CRNKL1: variants seen among roughly 807,000 people sequenced by gnomAD.
The protein encoded by CRNKL1 is crooked neck pre-mRNA splicing factor 1, also known as crooked neck-like protein 1.
A neutral mutation model predicts 103.7 loss-of-function variants in CRNKL1; 35 were observed. That is an observed-to-expected ratio of 0.34 (90% CI 0.26 to 0.45). The LOEUF is 0.45. CRNKL1 is among the 20% of genes least tolerant of loss of function. CRNKL1 has a pLI of 1.00. For missense variants in CRNKL1, 645 were observed against 836.0 expected (o/e 0.77, Z 2.82); for synonymous variants, 267 against 282.6 (o/e 0.94, Z 0.55).
At chr20:20,048,689 C>A (rs976502837) in intron 3 of CRNKL1, among the ~76,000 whole-genome samples, 188 bp from the exon 4 acceptor site, 9 of 152,096 alleles carry the variant, frequency 5.9e-5, no homozygotes, top group Non-Finnish European at 1.2e-4. Context: ...GACATGCATG[C>A]AATTATAATG....
rs548733406 is a variant in CRNKL1 at position 20,035,411 on chromosome 20, A to G, written c.*784T>C. 9.8e-5 allele frequency: 15 copies of G among 152,352 alleles called. No individual in the cohort carries two copies. The highest frequency in any genetic ancestry group is 8.5e-4 in the Admixed American group (13 of 15,304). The allele number at this position is 152,352 out of a possible 1,614,324, so 9.4% of individuals were successfully genotyped here. A position where few individuals can be genotyped will look rare whatever the true frequency, so the allele number is the denominator to read the frequency against. ...TTCATAGCACACACGTGAACAAGCC[A>G]TTATTCTTTAAACAAGGTATTACAA... On this transcript the variant is annotated 3_prime_UTR_variant, in exon 14 of 14. Coordinates refer to ENST00000536226, the MANE Select transcript of CRNKL1 (RefSeq NM_001278628.2).
Position 20,043,569 on chromosome 20 carries a change from TCTCA to T in CRNKL1, c.891_894del (p.Phe297LeufsTer15). 6.2e-7 allele frequency: 1 copy of T among 1,614,092 alleles called. No individual in the cohort carries two copies. The highest frequency in any genetic ancestry group is 8.5e-7 in the Non-Finnish European group (1 of 1,179,992). ...ATACCCCGCCTATCACCAAACTTCT[TCTCA>T]AAGATGGTATAATTTTTAAAGAGTT... On this transcript the variant is annotated frameshift_variant, in exon 7 of 14. Coordinates refer to ENST00000536226, the MANE Select transcript of CRNKL1 (RefSeq NM_001278628.2). LOFTEE classifies it high-confidence loss of function.
At chr20:20,053,016 GTAAC>G (rs951544502), upstream of CRNKL1, among the ~76,000 whole-genome samples, 1 of 152,128 alleles carries the variant, frequency 6.6e-6, no homozygotes. Context: ...TATAAATAGA[GTAAC>G]TGGAAAACAA....
intron 11 of CRNKL1, 46 bp from the exon 12 acceptor site, chr20:20,038,496 G>A (rs1329896965): frequency 9.0e-7 from 1 of 1,112,880 alleles, no homozygotes; most frequent in South Asian, 1.3e-5. Flanking sequence ...TTACAAAGCA[G>A]CATGCCCCCA....
At chr20:20,036,469 A>G (rs1166661049) in intron 13 of CRNKL1, 107 bp from the exon 14 acceptor site, 7 of 1,043,452 alleles carry the variant, frequency 6.7e-6, no homozygotes, top group African/African-American at 1.6e-5. Flanking sequence ...ATTTTACAAA[A>G]TAACATCAAA....
chr20:20,038,278 C>G (rs1600242826), intron 12 of CRNKL1, 71 bp downstream of exon 12: 1 of 729,186 alleles, frequency 1.4e-6, no homozygotes, highest in East Asian at 3.2e-5. Context: ...ACTTAAAATA[C>G]AGAAATATAT....
chr20:20,051,253 A>G (rs191731411), intron 1 of CRNKL1, among the ~76,000 whole-genome samples: 4 of 152,258 alleles, frequency 2.6e-5, no homozygotes, highest in Admixed American at 6.5e-5. Flanking sequence ...ATAAAAAAGA[A>G]TAAACTACCT....
intron 5 of CRNKL1, 109 bp from the exon 6 acceptor site, chr20:20,045,595 T>C: frequency 1.0e-6 from 1 of 985,626 alleles, no homozygotes; most frequent in South Asian, 1.7e-5. Flanking sequence ...AAATTCAAAC[T>C]ACAACTCTAG....
chr20:20,055,192 T>G (rs2044212479), upstream of CRNKL1, among the ~76,000 whole-genome samples: 1 of 152,240 alleles, frequency 6.6e-6, no homozygotes, highest in Non-Finnish European at 1.5e-5. Context: ...CTTTTGTTTC[T>G]CTTTCTATAT....
In CRNKL1 at chr20:20,047,786, C is replaced by T. The variant is rs756428047; in HGVS notation, c.601G>A (p.Ala201Thr). Residue 201 changes from alanine (A) to threonine (T), a missense_variant, in exon 5 of 14, where the codon GCC (alanine) becomes ACC (threonine). Coordinates refer to ENST00000536226, the MANE Select transcript of CRNKL1 (RefSeq NM_001278628.2). ...FELRYKEVDR[A>T]RTIYERFVLV... ...ATATATCGCTCATAAATGGTGCGGGCCCGATCCACCTCTTTGTATCTCAGC... is the reference window on the plus strand; with the variant it reads ...ATATATCGCTCATAAATGGTGCGGGTCCGATCCACCTCTTTGTATCTCAGC... 5 of 1,614,212 alleles carry T rather than the reference C, an allele frequency of 3.1e-6. No individual in the cohort carries two copies. The East Asian group carries it at 1.1e-4, about 36-fold the overall frequency.
At chr20:20,052,598 A>T (rs2273057), upstream of CRNKL1, 781,003 of 1,613,452 alleles carry the variant, frequency 0.48, 190,787 homozygotes, top group East Asian at 0.67. Context: ...TGAGGTGGGT[A>T]ACGCCGTGCT....
rs146894938 is a variant in CRNKL1, at chr20:20,037,327, T to C, written c.1892A>G (p.Asp631Gly). ...VKKRRKVQTD[D>G]GSDAGWEEYF... Reference sequence around the variant, plus strand: ...GTCCCAGGGCAGAGTTCTTACCCCATCATCAGTCTGGACCTTTCTTCTCTT... The same window carrying C: ...GTCCCAGGGCAGAGTTCTTACCCCACCATCAGTCTGGACCTTTCTTCTCTT... Residue 631 changes from aspartate to glycine, a missense_variant, in exon 13 of 14, where the codon GAT becomes GGT. Around this residue, in one of 2 missense-constraint regions of CRNKL1, gnomAD observed 582 missense variants for 707.7 expected, o/e 0.82. Coordinates refer to ENST00000536226, the MANE Select transcript of CRNKL1 (RefSeq NM_001278628.2). The C allele has an allele frequency of 3.1e-6, 5 of 1,613,658 alleles. No homozygotes were observed. In the African/African-American group the frequency reaches 4.0e-5, roughly 13 times the overall value.
rs761661820 is a variant in CRNKL1 at position 20,052,459 on chromosome 20, G to A, written c.-117C>T. 3 of 1,614,262 alleles carry A rather than the reference G, an allele frequency of 1.9e-6. No homozygotes were observed. Among genetic ancestry groups the A allele is most frequent in the Admixed American group, 3.3e-5 (2 of 60,030 alleles). ...AACAAACAGGATCTCGGAACCGGAA[G>A]CGGAACTTGCAGGACTGACCTTTGA... On this transcript the variant is annotated 5_prime_UTR_variant, in exon 1 of 14. Transcript: ENST00000536226.
At chr20:20,052,533 G>C (rs750771442), upstream of CRNKL1, 7 of 1,614,140 alleles carry the variant, frequency 4.3e-6, no homozygotes, top group African/African-American at 5.3e-5. Context: ...ATGGTGACCA[G>C]GCTGCGCGTC....
chr20:20,036,563 G>A (rs1014866722), intron 13 of CRNKL1, among the ~76,000 whole-genome samples: 6 of 152,202 alleles, frequency 3.9e-5, no homozygotes, highest in Non-Finnish European at 8.8e-5. Flanking sequence ...AACTAAACTG[G>A]TAGAAAAACA....
chr20:20,048,241 T>G (rs369029102), intron 4 of CRNKL1, 102 bp downstream of exon 4: 3 of 1,303,666 alleles, frequency 2.3e-6, no homozygotes, highest in African/African-American at 3.0e-5. Context: ...GAAGAAAAAG[T>G]AGGATATCAA....
At chr20:20,054,016 T>TTGTTTTTG (rs1384471588), upstream of CRNKL1, among the ~76,000 whole-genome samples, 107 of 144,526 alleles carry the variant, frequency 7.4e-4, no homozygotes, top group East Asian at 5.7e-3. Flanking sequence ...TTTGTTTGTT[T>TTGTTTTTG]TTTTTTTTTT....
chr20:20,045,536 A>C, intron 5 of CRNKL1, 50 bp from the exon 6 acceptor site: 1 of 1,522,246 alleles, frequency 6.6e-7, no homozygotes, highest in African/African-American at 1.4e-5. Context: ...GCTTAAAAAA[A>C]TAGTAAGTAA....
intron 5 of CRNKL1, 122 bp from the exon 6 acceptor site, chr20:20,045,608 G>T: frequency 1.2e-6 from 1 of 800,728 alleles, no homozygotes; most frequent in Non-Finnish European, 1.9e-6. Flanking sequence ...AACTCTAGGG[G>T]AACAAAACAC....
Sources: gnomAD v4.1 joint callset for allele counts (sites outside exome capture counted in the v4.1 genomes callset) on GRCh38, gnomAD v4.1.1 for gene constraint, gnomAD v4.1.1 regional missense constraint, MANE v1.5 for transcripts, NCBI Gene and HGNC (gene_info 2026-07-23, HGNC 2026-07-21) for gene names.